The following GABRA5 variants were observed in gnomAD, a reference collection of about 807,000 sequenced individuals.
The protein encoded by GABRA5 is gamma-aminobutyric acid type A receptor subunit alpha5.
Under a neutral mutation model 47.3 loss-of-function variants are expected in GABRA5, and 18 were observed. The ratio of observed to expected loss-of-function variants is 0.38; its 90% CI spans 0.26 to 0.56. The LOEUF (loss-of-function observed/expected upper bound fraction) is 0.56. GABRA5 is among the 20% of genes least tolerant of loss of function. The pLI, the probability that GABRA5 is intolerant of heterozygous loss-of-function variation, is 0.71. For synonymous variants in GABRA5, 237 were observed against 229.3 expected (o/e 1.03, Z -0.30); for missense variants, 365 against 599.3 (o/e 0.61, Z 4.08).
chr15:26,915,443 T>C (rs986562356), intron 7 of GABRA5, among the ~76,000 whole-genome samples: 4 of 152,226 alleles, frequency 2.6e-5, no homozygotes, highest in African/African-American at 9.6e-5. Flanking sequence ...TATACACTTA[T>C]ACAATTCTAA....
chr15:26,877,889 T>C (rs766839939), intron 3 of GABRA5, among the ~76,000 whole-genome samples: 1 of 152,190 alleles, frequency 6.6e-6, no homozygotes, highest in Non-Finnish European at 1.5e-5. Context: ...TTGTTAGTAA[T>C]AGGGATATAA....
At chr15:26,939,840 T>C in intron 8 of GABRA5, 85 bp from the exon 9 acceptor site, 2 of 1,392,226 alleles carry the variant, frequency 1.4e-6, no homozygotes, top group Non-Finnish European at 2.0e-6. Flanking sequence ...GACAGGGGAG[T>C]GGAAGGGAGG....
chr15:26,945,602 G>A (rs1203893638), intron 10 of GABRA5, among the ~76,000 whole-genome samples: 1 of 152,164 alleles, frequency 6.6e-6, no homozygotes, highest in Non-Finnish European at 1.5e-5. Context: ...CTCCTGCCTC[G>A]CTGCCCACCA....
chr15:26,942,377 G>A (rs8029437), intron 9 of GABRA5, among the ~76,000 whole-genome samples: 1 of 152,126 alleles, frequency 6.6e-6, no homozygotes, highest in Non-Finnish European at 1.5e-5. Context: ...GGCTCCAGGG[G>A]ATACTGTTCC....
chr15:26,903,569 C>A (rs539365218), intron 6 of GABRA5, among the ~76,000 whole-genome samples: 13 of 152,236 alleles, frequency 8.5e-5, no homozygotes, highest in African/African-American at 3.1e-4. Flanking sequence ...TACACTCCAG[C>A]CAACAGTGTA....
intron 3 of GABRA5, among the ~76,000 whole-genome samples, chr15:26,876,940 A>G (rs2140248226): frequency 6.6e-6 from 1 of 152,190 alleles, no homozygotes; most frequent in East Asian, 1.9e-4. Flanking sequence ...GCAGGGTGGG[A>G]GAGGTGGCTC....
intron 7 of GABRA5, among the ~76,000 whole-genome samples, chr15:26,930,549 C>G (rs1462318197): frequency 6.6e-6 from 1 of 152,192 alleles, no homozygotes; most frequent in African/African-American, 2.4e-5. Flanking sequence ...TTTCCAATAA[C>G]ATGTTCCTCA....
intron 7 of GABRA5, among the ~76,000 whole-genome samples, chr15:26,921,641 T>A (rs1318825216): frequency 6.6e-6 from 1 of 152,098 alleles, no homozygotes; most frequent in East Asian, 1.9e-4. Context: ...TTACTTTGCA[T>A]TTAGTTTGCA....
At chr15:26,877,977 C>T (rs1315941554) in intron 3 of GABRA5, among the ~76,000 whole-genome samples, 2 of 152,176 alleles carry the variant, frequency 1.3e-5, no homozygotes, top group African/African-American at 4.8e-5. Context: ...CTCTGGTCGA[C>T]CTCAGGATGA....
rs142985734 is a variant in GABRA5, at chr15:26,943,922, C to G, written c.1089+496C>G. 4.9e-3 allele frequency among the ~76,000 whole-genome samples: 744 copies of G among 152,106 alleles called. 5 individuals are homozygous for G. Among genetic ancestry groups the G allele is most frequent in the African/African-American group, 0.017 (710 of 41,482 alleles). On this transcript the variant is annotated intron_variant, in intron 10 of 10. Transcript: ENST00000335625. Reference sequence around the variant, plus strand: ...TACTCTGTTCAAAGCAAAGAACCACCAAGTATTTAAAGGATGATTTATGCC... The same window carrying G: ...TACTCTGTTCAAAGCAAAGAACCACGAAGTATTTAAAGGATGATTTATGCC...
At chr15:26,939,774 A>G in intron 8 of GABRA5, 151 bp from the exon 9 acceptor site, 1 of 695,014 alleles carries the variant, frequency 1.4e-6, no homozygotes, top group Non-Finnish European at 2.4e-6. Context: ...AAATTCATGC[A>G]TCCTCCTGTG....
intron 6 of GABRA5, among the ~76,000 whole-genome samples, chr15:26,911,262 T>A (rs1471500095): frequency 2.0e-5 from 3 of 152,112 alleles, no homozygotes; most frequent in African/African-American, 7.2e-5. Context: ...ACTGTCTTTT[T>A]TACATTTTTA....
At chr15:26,912,150 A>C (rs1347711517) in intron 6 of GABRA5, among the ~76,000 whole-genome samples, 1 of 152,148 alleles carries the variant, frequency 6.6e-6, no homozygotes, top group African/African-American at 2.4e-5. Context: ...TCCTGATCAG[A>C]AGTGTTCTCT....
chr15:26,891,921 C>T (rs1893016341), intron 6 of GABRA5, among the ~76,000 whole-genome samples: 2 of 152,256 alleles, frequency 1.3e-5, no homozygotes. Context: ...AACTGATGGT[C>T]TCATCTCCTG....
At chr15:26,929,835 G>C (rs926356873) in intron 7 of GABRA5, among the ~76,000 whole-genome samples, 1 of 152,118 alleles carries the variant, frequency 6.6e-6, no homozygotes, top group African/African-American at 2.4e-5. Flanking sequence ...AGCAGCTCTT[G>C]GCTTCTGTTG....
rs1341146819 is a variant in GABRA5, at chr15:26,883,103, C to G, written c.209-63C>G. ...GACCCTGGTTACTGGACTGAGAGCA[C>G]GAGAGTGTGCCAGACGCGCAGGGTG... is the stretch of plus-strand genomic sequence containing the variant. On this transcript the variant is annotated intron_variant, in intron 4 of 10. Coordinates refer to ENST00000335625, the MANE Select transcript of GABRA5 (RefSeq NM_000810.4). The surrounding 1 kb of genome is among the most constrained non-coding windows in gnomAD (Gnocchi z 4.8). The G allele has an allele frequency of 1.5e-6, 2 of 1,356,794 alleles. No homozygotes were observed. Among genetic ancestry groups the G allele is most frequent in the Non-Finnish European group, 2.1e-6 (2 of 945,358 alleles). The allele number at this position is 1,356,794 out of a possible 1,614,324, so 84.0% of individuals were successfully genotyped here. A position where few individuals can be genotyped will look rare whatever the true frequency, so the allele number is the denominator to read the frequency against.
At position 26,880,957 on chromosome 15, in the gene GABRA5, C is replaced by T. The variant is rs372457430; in HGVS notation, c.198C>T (p.Pro66=). Residue 66 remains proline, a synonymous_variant, in exon 4 of 11, where the codon CCC becomes CCT. Coordinates refer to ENST00000335625, the MANE Select transcript of GABRA5 (RefSeq NM_000810.4). The part of the protein sequence containing the change: ...LLDGYDNRLR[P]GLGERITQVR... ...ATGGCTACGACAACAGACTTCGGCC[C>T]GGGCTGGGAGGTGAGTGTGCTCTCC... is the stretch of plus-strand genomic sequence containing the variant. 27 of 1,613,734 alleles carry T rather than the reference C, an allele frequency of 1.7e-5. No individual in the cohort carries two copies. Among genetic ancestry groups the T allele is most frequent in the African/African-American group, 8.0e-5 (6 of 74,900 alleles).
chr15:26,943,778 C>G (rs1434786313), intron 10 of GABRA5, among the ~76,000 whole-genome samples: 3 of 152,116 alleles, frequency 2.0e-5, no homozygotes, highest in African/African-American at 7.2e-5. Flanking sequence ...AGGTGGCCCT[C>G]AGGTCGAGAA....
intron 6 of GABRA5, among the ~76,000 whole-genome samples, chr15:26,886,178 C>A (rs996215437): frequency 6.6e-6 from 1 of 152,118 alleles, no homozygotes; most frequent in Admixed American, 6.5e-5. Context: ...TGCCACCACA[C>A]CCGGCTGATT....
Sources: allele counts gnomAD v4.1 joint callset (sites outside exome capture counted in the v4.1 genomes callset), GRCh38; gene constraint gnomAD v4.1.1; non-coding constraint Gnocchi (gnomAD v3.1); transcripts MANE v1.5; gene names NCBI Gene and HGNC (gene_info 2026-07-23, HGNC 2026-07-21).